The following HAPSTR1 variants were observed in gnomAD, a reference collection of about 807,000 sequenced individuals.
HAPSTR1 encodes HUWE1 associated protein modifying stress responses, also known as HUWE1-associated protein modifying stress responses 1.
the HAPSTR1 span, chr16:9,112,847 C>T: frequency 2.0e-5 from 3 of 152,116 alleles, no homozygotes; most frequent in African/African-American, 7.2e-5. Context: ...GATACAGACA[C>T]TTTAAAACTG....
chr16:9,102,287 C>T, the HAPSTR1 span, among the ~76,000 whole-genome samples: 1 of 96,548 alleles, frequency 1.0e-5, no homozygotes, highest in Non-Finnish European at 1.9e-5. Flanking sequence ...ATAATAGTCA[C>T]TTAAATTTTC....
chr16:9,094,235 A>C, the HAPSTR1 span, among the ~76,000 whole-genome samples: 3 of 152,180 alleles, frequency 2.0e-5, no homozygotes, highest in Non-Finnish European at 4.4e-5. Context: ...ATAATAGTCC[A>C]GTCTTACTGA....
the HAPSTR1 span, chr16:9,108,500 C>G: frequency 6.6e-6 from 1 of 152,132 alleles, no homozygotes; most frequent in East Asian, 1.9e-4. Context: ...AATGCATACC[C>G]TTAACCACTA....
the HAPSTR1 span, chr16:9,103,412 A>G: frequency 2.5e-6 from 2 of 807,082 alleles, no homozygotes; most frequent in South Asian, 4.2e-5. Flanking sequence ...TAAGCTAAGA[A>G]CTTAATATGG....
the HAPSTR1 span, chr16:9,120,764 G>A: frequency 2.2e-5 from 3 of 139,104 alleles, no homozygotes; most frequent in Admixed American, 1.6e-4. Flanking sequence ...CACAACCTCT[G>A]CCTCCTGGGT....
At chr16:9,093,484 A>T in the HAPSTR1 span, among the ~76,000 whole-genome samples, 1 of 152,214 alleles carries the variant, frequency 6.6e-6, no homozygotes, top group Non-Finnish European at 1.5e-5. Context: ...TATGGAAAAG[A>T]TTCTTGAGTT....
chr16:9,095,032 C>G, the HAPSTR1 span, among the ~76,000 whole-genome samples: 2 of 152,178 alleles, frequency 1.3e-5, no homozygotes, highest in African/African-American at 2.4e-5. Flanking sequence ...GCTCAGAAAA[C>G]TTAAGGAGGA....
the HAPSTR1 span, among the ~76,000 whole-genome samples, chr16:9,102,654 A>G: frequency 6.6e-6 from 1 of 152,198 alleles, no homozygotes; most frequent in Non-Finnish European, 1.5e-5. Context: ...GGCATGTGCA[A>G]TATTTAGACA....
At chr16:9,114,931 C>A in the HAPSTR1 span, among the ~76,000 whole-genome samples, 350 of 152,274 alleles carry the variant, frequency 2.3e-3, 1 homozygote, top group African/African-American at 7.7e-3. Context: ...TTAATAGGTG[C>A]TAGCCTTGGA....
chr16:9,109,432 C>T, the HAPSTR1 span: 1 of 152,212 alleles, frequency 6.6e-6, no homozygotes, highest in Non-Finnish European at 1.5e-5. Flanking sequence ...CATAGGTGGT[C>T]TCTGCAAGTT....
the HAPSTR1 span, among the ~76,000 whole-genome samples, chr16:9,100,659 G>T: frequency 6.6e-6 from 1 of 151,966 alleles, no homozygotes; most frequent in Admixed American, 6.6e-5. Context: ...TCAGCCTCCC[G>T]AGTAGCTGGG....
the HAPSTR1 span, chr16:9,092,358 G>C: frequency 3.3e-5 from 38 of 1,154,546 alleles, no homozygotes; most frequent in Admixed American, 4.4e-5. Flanking sequence ...CCGCTTCGGG[G>C]GGCCGCGACG....
At chr16:9,106,691 G>C in the HAPSTR1 span, 1 of 151,750 alleles carries the variant, frequency 6.6e-6, no homozygotes, top group Non-Finnish European at 1.5e-5. Flanking sequence ...TTTTTTTCCT[G>C]TGTCCTATGG....
chr16:9,105,070 C>T, the HAPSTR1 span: 6 of 152,128 alleles, frequency 3.9e-5, no homozygotes, highest in Non-Finnish European at 5.9e-5. Flanking sequence ...CAAGCCAGCC[C>T]CCTCTGCCCT....
the HAPSTR1 span, among the ~76,000 whole-genome samples, chr16:9,093,858 A>G: frequency 1.3e-5 from 2 of 151,788 alleles, no homozygotes; most frequent in Non-Finnish European, 2.9e-5. Flanking sequence ...TTTTTTGGCA[A>G]GATTTTTATG....
At chr16:9,100,417 A>AGT in the HAPSTR1 span, among the ~76,000 whole-genome samples, 794 of 142,436 alleles carry the variant, frequency 5.6e-3, 8 homozygotes, top group African/African-American at 0.02. Context: ...TTCACAGGAT[A>AGT]TTTTTTTTTT....
chr16:9,117,129 T>A, the HAPSTR1 span: 3 of 634,002 alleles, frequency 4.7e-6, no homozygotes, highest in South Asian at 6.3e-5. Context: ...GCAGAGGACA[T>A]CAGATATTGT....
the HAPSTR1 span, chr16:9,111,313 T>G: frequency 2.0e-5 from 3 of 152,204 alleles, no homozygotes; most frequent in Non-Finnish European, 4.4e-5. Context: ...TTTTGGAAAT[T>G]AAGATGTAAG....
the HAPSTR1 span, chr16:9,112,712 A>T: frequency 6.6e-6 from 1 of 152,198 alleles, no homozygotes; most frequent in Non-Finnish European, 1.5e-5. Flanking sequence ...TTAATAATTT[A>T]CTATGTAACT....
Sources: gnomAD v4.1 joint callset for allele counts (sites outside exome capture counted in the v4.1 genomes callset) on GRCh38, gnomAD v4.1.1 for gene constraint, MANE v1.5 for transcripts, NCBI Gene and HGNC (gene_info 2026-07-23, HGNC 2026-07-21) for gene names.